COG7: variants seen among roughly 807,000 people sequenced by gnomAD.
COG7 encodes conserved oligomeric Golgi complex subunit 7.
Under a neutral mutation model 91.5 loss-of-function variants are expected in COG7, and 49 were observed. That is an observed-to-expected ratio of 0.54 (90% CI 0.43 to 0.68). The LOEUF (loss-of-function observed/expected upper bound fraction) is 0.68, where lower values mean the gene tolerates loss of function less well. COG7 is among the 30% of genes least tolerant of loss of function. The pLI is 0.00. For missense variants in COG7, 895 were observed against 961.3 expected (o/e 0.93, Z 0.91); for synonymous variants, 365 against 388.7 (o/e 0.94, Z 0.72).
chr16:23,438,730 CA>C lies in COG7; in HGVS notation c.604+3746del, dbSNP rs58582122. The stretch of plus-strand genomic sequence containing the variant: ...CATACTAATTAGTATGGCTATAATC[CA>C]AAAAAAAACAAAAAATGACAAGGGT... On this transcript the variant is annotated intron_variant, in intron 4 of 16. Transcript: ENST00000307149. 3.4e-5 allele frequency among the ~76,000 whole-genome samples: 5 copies of C among 149,082 alleles called. 1 individual carries two copies. The South Asian group carries it at 8.5e-4, about 25-fold the overall frequency.
chr16:23,431,606 C>T (rs1309227915), intron 6 of COG7, among the ~76,000 whole-genome samples: 2 of 149,340 alleles, frequency 1.3e-5, no homozygotes, highest in African/African-American at 4.9e-5. Context: ...GTCAGGAGTT[C>T]GAGACCAGCC....
chr16:23,416,489 G>C, intron 9 of COG7: 1 of 242,684 alleles, frequency 4.1e-6, no homozygotes, highest in South Asian at 5.2e-5. Context: ...AGTTCACAGA[G>C]GCATGCTCAG....
chr16:23,405,696 T>C (rs577640779), intron 12 of COG7, among the ~76,000 whole-genome samples: 7 of 151,922 alleles, frequency 4.6e-5, no homozygotes, highest in Admixed American at 4.6e-4. Flanking sequence ...TTTGTATTTT[T>C]AGTAGAGACC....
chr16:23,403,648 G>A (rs1244696414), intron 13 of COG7, 46 bp downstream of exon 13: 3 of 1,611,554 alleles, frequency 1.9e-6, no homozygotes, highest in Non-Finnish European at 8.5e-7. Context: ...TGCTTGAGTT[G>A]GAGGCAGGAC....
At chr16:23,429,029 G>A (rs1218617786) in intron 6 of COG7, among the ~76,000 whole-genome samples, 3 of 150,808 alleles carry the variant, frequency 2.0e-5, no homozygotes, top group Non-Finnish European at 4.4e-5. Flanking sequence ...TCACTCTGTC[G>A]CCCAGACTGG....
chr16:23,433,630 C>G lies in COG7; in HGVS notation c.725G>C (p.Ser242Thr). 1.9e-6 allele frequency: 3 copies of G among 1,614,040 alleles called. No individual in the cohort carries two copies. The highest frequency in any genetic ancestry group is 2.5e-6 in the Non-Finnish European group (3 of 1,180,010). The change falls in exon 6 of 17, where the codon AGT (serine) becomes ACT (threonine). Residue 242 changes from serine to threonine, a missense_variant. By Grantham distance (58) the Ser-to-Thr change is moderately conservative (BLOSUM62 1). Coordinates refer to ENST00000307149, the MANE Select transcript of COG7 (RefSeq NM_153603.4). ...AAGCTGCCGGTCCAGGGATAGGTCA[C>G]TTTGACACAGCTCTTGCCAGGCTGC... ...LLAAWQELCQ[S>T]DLSLDRQLTG...
At chr16:23,426,734 G>A (rs1963851602) in intron 6 of COG7, among the ~76,000 whole-genome samples, 1 of 149,786 alleles carries the variant, frequency 6.7e-6, no homozygotes, top group South Asian at 2.1e-4. Context: ...GGTAAGAGAT[G>A]GTAAGAACAG....
chr16:23,392,899 C>T lies in COG7; in HGVS notation c.2002+334G>A, dbSNP rs1254400627. Among the ~76,000 whole-genome samples, 8 of 152,226 alleles carry T rather than the reference C, an allele frequency of 5.3e-5. 1 individual carries two copies. Among genetic ancestry groups the T allele is most frequent in the African/African-American group, 1.7e-4 (7 of 41,538 alleles). On this transcript the variant is annotated intron_variant, in intron 15 of 16. Coordinates refer to ENST00000307149, the MANE Select transcript of COG7 (RefSeq NM_153603.4). ...TGAGTCAAGATCGCGCCACTGCACT[C>T]CAGCCTAGGTGACACAGCAAGACTC... is the stretch of plus-strand genomic sequence containing the variant.
chr16:23,445,237 T>G (rs1392825244), intron 2 of COG7, 73 bp from the exon 3 acceptor site: 2 of 1,015,894 alleles, frequency 2.0e-6, no homozygotes, highest in Admixed American at 3.4e-5. Flanking sequence ...GGACTTGAAA[T>G]GTAAGTATGG....
At chr16:23,402,720 C>T (rs563479401) in intron 13 of COG7, among the ~76,000 whole-genome samples, 53 of 152,354 alleles carry the variant, frequency 3.5e-4, no homozygotes, top group African/African-American at 1.2e-3. Context: ...TGAAATAGAT[C>T]TCATGGCATT....
intron 6 of COG7, among the ~76,000 whole-genome samples, chr16:23,428,108 C>T (rs1010628790): frequency 7.2e-5 from 11 of 151,984 alleles, no homozygotes; most frequent in East Asian, 3.9e-4. Flanking sequence ...ACTGGGGAGG[C>T]GGAGTTTGCA....
chr16:23,410,319 T>G lies in COG7; in HGVS notation c.1451A>C (p.Asp484Ala), dbSNP rs1237186047. 6.2e-7 allele frequency: 1 copy of G among 1,614,016 alleles called. No homozygotes were observed. Among genetic ancestry groups the G allele is most frequent in the South Asian group, 1.1e-5 (1 of 91,068 alleles). ...CCTGTTGGCTAGCTGCTGCTCGAAG[T>G]CCCCACAATGCCGCAAAAGCTCTCC... ...TCGELLRHCG[D>A]FEQQLANRIL... The change falls in exon 11 of 17, where the codon GAC becomes GCC. Residue 484 changes from aspartate (D) to alanine (A), a missense_variant. Asp to Ala is a moderately radical substitution (Grantham distance 126). Transcript: ENST00000307149.
chr16:23,429,738 T>A (rs1168140725), intron 6 of COG7, among the ~76,000 whole-genome samples: 1 of 151,798 alleles, frequency 6.6e-6, no homozygotes, highest in Non-Finnish European at 1.5e-5. Context: ...TACTCCAGCC[T>A]CGGCAACAAC....
chr16:23,392,848 T>C (rs1963222759), intron 15 of COG7, among the ~76,000 whole-genome samples: 1 of 152,236 alleles, frequency 6.6e-6, no homozygotes, highest in East Asian at 1.9e-4. Context: ...GGAGAATTGC[T>C]TGAACCCAGG....
intron 11 of COG7, 148 bp from the exon 12 acceptor site, chr16:23,406,410 G>A (rs764887774): frequency 1.3e-6 from 1 of 748,694 alleles, no homozygotes; most frequent in Admixed American, 2.0e-5. Flanking sequence ...ACGAAAGGCT[G>A]CCCTTCATCA....
Position 23,445,159 on chromosome 16 carries a change from C to CA in COG7, c.323dup (p.Leu108PhefsTer5), listed in dbSNP as rs797044712. 3 of 1,612,212 alleles carry CA rather than the reference C, an allele frequency of 1.9e-6. No individual in the cohort carries two copies. The Admixed American group carries it at 5.0e-5, about 27-fold the overall frequency. Reference sequence around the variant, plus strand: ...TGGACTTCACTTGGTCAATTTCTACCAACACCTGAAAGAGGCGTGAGGGGT... The same window carrying CA: ...TGGACTTCACTTGGTCAATTTCTACCAAACACCTGAAAGAGGCGTGAGGGGT... On this transcript the variant is annotated frameshift_variant, in exon 3 of 17. Coordinates refer to ENST00000307149, the MANE Select transcript of COG7 (RefSeq NM_153603.4). LOFTEE classifies it high-confidence loss of function.
At chr16:23,440,922 C>T (rs937766452) in intron 4 of COG7, among the ~76,000 whole-genome samples, 1 of 152,008 alleles carries the variant, frequency 6.6e-6, no homozygotes, top group African/African-American at 2.4e-5. Flanking sequence ...AGAAAAACCA[C>T]ACATGGCAGG....
At chr16:23,408,357 AGTGGGGCGGGAGGTAGGGGAC>A (rs1963502442) in intron 11 of COG7, among the ~76,000 whole-genome samples, 1 of 31,824 alleles carries the variant, frequency 3.1e-5, no homozygotes, top group East Asian at 1.3e-3. Flanking sequence ...GTAGGGGACG[AGTGGGGCGGGAGGTAGGGGAC>A]GAGTGGGGCG....
intron 4 of COG7, among the ~76,000 whole-genome samples, chr16:23,441,599 C>T (rs142810682): frequency 6.6e-6 from 1 of 152,200 alleles, no homozygotes; most frequent in East Asian, 1.9e-4. Flanking sequence ...AATTTACTGG[C>T]ACACAGCAAA....
Sources: allele counts gnomAD v4.1 joint callset (sites outside exome capture counted in the v4.1 genomes callset), GRCh38; gene constraint gnomAD v4.1.1; transcripts MANE v1.5; gene names NCBI Gene and HGNC (gene_info 2026-07-23, HGNC 2026-07-21).